RIT2: variants seen among roughly 807,000 people sequenced by gnomAD.
RIT2 encodes the protein GTP-binding protein Rit2.
In RIT2, 24 loss-of-function variants were observed where a neutral mutation model predicts 23.7. The ratio of observed to expected loss-of-function variants is 1.01; its 90% CI spans 0.73 to 1.43. RIT2 has a LOEUF of 1.43. Ranked by LOEUF, RIT2 falls within the 40% of genes most tolerant of loss-of-function variation. The pLI is 0.00. For synonymous variants in RIT2, 107 were observed against 91.1 expected, an observed-to-expected ratio of 1.17 and a Z score of -0.99; for missense variants, 236 against 266.9, an observed-to-expected ratio of 0.88 and a Z score of 0.81.
chr18:42,885,230 T>G (rs768383456), intron 4 of RIT2, among the ~76,000 whole-genome samples: 1 of 152,166 alleles, frequency 6.6e-6, no homozygotes, highest in Non-Finnish European at 1.5e-5. Context: ...GATGGTAAAT[T>G]AAAATCACTT....
intron 4 of RIT2, among the ~76,000 whole-genome samples, chr18:42,800,516 T>G (rs555368): frequency 0.76 from 94,976 of 124,342 alleles, 35,250 homozygotes; most frequent in Middle Eastern, 0.86. Context: ...AGCAGTTACA[T>G]TCTTTTTTTT....
intron 1 of RIT2, among the ~76,000 whole-genome samples, chr18:43,059,791 T>C (rs988845777): frequency 6.6e-5 from 10 of 152,152 alleles, no homozygotes; most frequent in Non-Finnish European, 2.9e-5. Context: ...TTTTTTATTT[T>C]ATTTTACAGA....
chr18:42,769,492 A>G lies in RIT2; in HGVS notation c.427-25772T>C, dbSNP rs139056755. Among the ~76,000 whole-genome samples the G allele has an allele frequency of 1.1e-3, 167 of 152,268 alleles. 1 individual carries two copies. Among genetic ancestry groups the G allele is most frequent in the Non-Finnish European group, 2.0e-3 (135 of 68,020 alleles). On this transcript the variant is annotated intron_variant, in intron 4 of 4. Transcript: ENST00000326695. ...GATAAATTTTAAATGGCCAGGTTCA[A>G]TGGGAGCCTGATACCTTTTACTAGA...
At chr18:43,007,444 A>G (rs940692438) in intron 2 of RIT2, among the ~76,000 whole-genome samples, 30 of 151,748 alleles carry the variant, frequency 2.0e-4, no homozygotes, top group African/African-American at 7.2e-4. Context: ...TATGCCTAGC[A>G]CACAGGTTGT....
At chr18:42,853,723 G>A (rs1907114537) in intron 4 of RIT2, among the ~76,000 whole-genome samples, 2 of 152,080 alleles carry the variant, frequency 1.3e-5, no homozygotes, top group South Asian at 2.1e-4. Context: ...GTAAAGTCCT[G>A]TGTACATGTT....
At chr18:42,789,101 T>G (rs1414663550) in intron 4 of RIT2, among the ~76,000 whole-genome samples, 1 of 152,224 alleles carries the variant, frequency 6.6e-6, no homozygotes, top group African/African-American at 2.4e-5. Flanking sequence ...CCGTGTGTTG[T>G]GATCAATAAT....
chr18:43,044,726 G>A (rs1043048373), intron 1 of RIT2, among the ~76,000 whole-genome samples: 1 of 152,180 alleles, frequency 6.6e-6, no homozygotes, highest in African/African-American at 2.4e-5. Context: ...TTAGAAAACA[G>A]CATCATTTGG....
intron 4 of RIT2, among the ~76,000 whole-genome samples, chr18:42,785,997 A>G (rs1913914066): frequency 6.6e-6 from 1 of 152,338 alleles, no homozygotes; most frequent in African/African-American, 2.4e-5. Flanking sequence ...AATTGAATGT[A>G]CTATAGATGA....
intron 4 of RIT2, among the ~76,000 whole-genome samples, chr18:42,910,863 A>G (rs1908752376): frequency 6.6e-6 from 1 of 152,166 alleles, no homozygotes; most frequent in African/African-American, 2.4e-5. Flanking sequence ...TAATTATAAC[A>G]TGGGTTTCAA....
intron 1 of RIT2, among the ~76,000 whole-genome samples, chr18:43,071,387 G>T (rs538700285): frequency 6.6e-6 from 1 of 152,228 alleles, no homozygotes; most frequent in East Asian, 1.9e-4. Flanking sequence ...GTGGCGGGGG[G>T]CGAGGATGTG....
intron 2 of RIT2, among the ~76,000 whole-genome samples, chr18:42,996,275 C>T (rs906190928): frequency 7.2e-5 from 11 of 152,120 alleles, no homozygotes; most frequent in African/African-American, 1.9e-4. Flanking sequence ...CCCCTAATCC[C>T]GCTCAAAGCA....
At chr18:43,069,520 A>G (rs1286037818) in intron 1 of RIT2, among the ~76,000 whole-genome samples, 3 of 152,140 alleles carry the variant, frequency 2.0e-5, no homozygotes, top group East Asian at 1.9e-4. Flanking sequence ...AATTCCGTCT[A>G]GACTTGGCTT....
At chr18:43,024,532 A>G (rs1373906647) in intron 2 of RIT2, among the ~76,000 whole-genome samples, 3 of 152,098 alleles carry the variant, frequency 2.0e-5, no homozygotes, top group Admixed American at 6.6e-5. Flanking sequence ...GACCTCAAAA[A>G]CAAATGCAAC....
chr18:43,061,923 G>A (rs1912655759), intron 1 of RIT2, among the ~76,000 whole-genome samples: 1 of 152,114 alleles, frequency 6.6e-6, no homozygotes. Flanking sequence ...CCACTGAGCT[G>A]CGGGCAGTGG....
intron 4 of RIT2, among the ~76,000 whole-genome samples, chr18:42,804,609 ATAAATGCATTCTAGG>A (rs1296232404): frequency 6.6e-6 from 1 of 151,514 alleles, no homozygotes; most frequent in East Asian, 1.9e-4. Flanking sequence ...GAAATTAAAG[ATAAATGCATTCTAGG>A]TATCCCCAAG....
intron 4 of RIT2, among the ~76,000 whole-genome samples, chr18:42,852,574 T>C (rs189017372): frequency 5.1e-4 from 77 of 152,096 alleles, no homozygotes; most frequent in African/African-American, 1.5e-3. Flanking sequence ...GGGAGTAGAG[T>C]CAAAACTAAA....
At chr18:42,830,805 GT>G (rs1906436798) in intron 4 of RIT2, among the ~76,000 whole-genome samples, 1 of 152,148 alleles carries the variant, frequency 6.6e-6, no homozygotes, top group Admixed American at 6.5e-5. Flanking sequence ...TTTATAATAA[GT>G]GCTTTTTGGT....
chr18:42,889,430 G>T (rs913224932), intron 4 of RIT2, among the ~76,000 whole-genome samples: 1 of 151,808 alleles, frequency 6.6e-6, no homozygotes, highest in Non-Finnish European at 1.5e-5. Context: ...AGGAAAATTG[G>T]GTTATTTGTG....
At chr18:42,883,442 G>A (rs967165498) in intron 4 of RIT2, among the ~76,000 whole-genome samples, 1 of 152,084 alleles carries the variant, frequency 6.6e-6, no homozygotes, top group African/African-American at 2.4e-5. Flanking sequence ...TAAATCTTCT[G>A]TTGAAGAAAT....
Sources: gnomAD v4.1 joint callset for allele counts (sites outside exome capture counted in the v4.1 genomes callset) on GRCh38, gnomAD v4.1.1 for gene constraint, MANE v1.5 for transcripts, NCBI Gene and HGNC (gene_info 2026-07-23, HGNC 2026-07-21) for gene names.